Variants in ABCA13 observed in about 807,000 individuals in gnomAD.
ABCA13 encodes the protein ATP-binding cassette sub-family A member 13.
Under a neutral mutation model 478.7 loss-of-function variants are expected in ABCA13, and 476 were observed. The observed-to-expected ratio is 0.99, with a 90% CI of 0.92 to 1.07. The LOEUF is 1.07. ABCA13 is among the 50% of genes least tolerant of loss of function. ABCA13 has a pLI of 0.00. For missense variants in ABCA13, 6,060 were observed against 5,910.6 expected (o/e 1.03, Z -0.83); for synonymous variants, 2,252 against 2,158.9 (o/e 1.04, Z -1.20).
In ABCA13 at chr7:48,278,944, T is replaced by C. The variant is rs766064344; in HGVS notation, c.7750T>C (p.Phe2584Leu). 8.1e-6 allele frequency: 13 copies of C among 1,613,370 alleles called. No homozygotes were observed. The East Asian group carries it at 2.7e-4, about 33-fold the overall frequency. Residue 2584 changes from phenylalanine to leucine, a missense_variant, in exon 18 of 62, where the codon TTT becomes CTT. Physicochemically the swap from Phe to Leu is conservative, Grantham distance 22 (BLOSUM62 0). Coordinates refer to ENST00000435803, the MANE Select transcript of ABCA13 (RefSeq NM_152701.5). ...TTTAAAAAAAATAGATCATTTCACA[T>C]TTGAAAAGATAAATGATTTGTTGGT... ...ATLKKIDHFT[F>L]EKINDLLVPF... is the part of the protein sequence containing the mutation.
At chr7:48,606,891 G>A (rs539430603) in intron 58 of ABCA13, among the ~76,000 whole-genome samples, 57 of 152,344 alleles carry the variant, frequency 3.7e-4, no homozygotes, top group African/African-American at 1.3e-3. Context: ...GGCTGCTGCC[G>A]TTTTTCCAGA....
At chr7:48,468,883 C>T (rs1827170234) in intron 44 of ABCA13, among the ~76,000 whole-genome samples, 1 of 152,188 alleles carries the variant, frequency 6.6e-6, no homozygotes. Context: ...CCACTGTTGT[C>T]TAAATCCGAT....
At chr7:48,359,000 A>C (rs566841457) in intron 31 of ABCA13, among the ~76,000 whole-genome samples, 117 of 151,938 alleles carry the variant, frequency 7.7e-4, no homozygotes, top group Middle Eastern at 3.4e-3. Flanking sequence ...GGATGAAAAA[A>C]CTGCATTTGG....
In ABCA13 at chr7:48,483,894, T is replaced by C. The variant is rs983443436; in HGVS notation, c.13182+731T>C. Among the ~76,000 whole-genome samples, 8 of 152,180 alleles carry C rather than the reference T, an allele frequency of 5.3e-5. No homozygotes were observed. The East Asian group carries it at 5.8e-4, about 11-fold the overall frequency. ...AGAGAAATCAGAAAAGGGTAGATTG[T>C]GGGAGGAAGTTAAGTCCACTGCGGG... On this transcript the variant is annotated intron_variant, in intron 47 of 61. Transcript: ENST00000435803.
At chr7:48,360,626 G>T (rs1394946574) in intron 31 of ABCA13, among the ~76,000 whole-genome samples, 1 of 151,926 alleles carries the variant, frequency 6.6e-6, no homozygotes, top group African/African-American at 2.4e-5. Flanking sequence ...GTTCCAAATA[G>T]ACACTTATTT....
chr7:48,338,239 T>G (rs1236827951), intron 28 of ABCA13, 126 bp from the exon 29 acceptor site: 1 of 598,518 alleles, frequency 1.7e-6, no homozygotes. Flanking sequence ...TTAAAACTTC[T>G]TTTAAGTGGA....
intron 2 of ABCA13, among the ~76,000 whole-genome samples, 186 bp downstream of exon 2, chr7:48,193,238 A>T (rs1014934355): frequency 2.0e-5 from 3 of 152,242 alleles, no homozygotes; most frequent in Admixed American, 1.3e-4. Flanking sequence ...GTCTTTTAAG[A>T]ATGATATTCA....
At position 48,299,555 on chromosome 7, in the gene ABCA13, TGAA is replaced by T. The variant is rs567297655; in HGVS notation, c.9321+1071_9321+1073del. On this transcript the variant is annotated intron_variant, in intron 23 of 61. Transcript: ENST00000435803. ...CGCATGATGCCTTATAGAGAAACAA[TGAA>T]GATTTTTGGTTTAAAATCTTTAGTT... 5.2e-4 allele frequency among the ~76,000 whole-genome samples: 79 copies of T among 152,290 alleles called. 2 individuals carry two copies. In the South Asian group the frequency reaches 0.016, roughly 31 times the overall value.
chr7:48,229,694 G>A (rs2128988932), intron 6 of ABCA13, 131 bp from the exon 7 acceptor site: 2 of 1,038,722 alleles, frequency 1.9e-6, no homozygotes, highest in Non-Finnish European at 2.8e-6. Context: ...ATGCTGACAT[G>A]TAAATGGTCC....
At chr7:48,351,504 G>A (rs1049847026) in intron 30 of ABCA13, among the ~76,000 whole-genome samples, 1 of 152,078 alleles carries the variant, frequency 6.6e-6, no homozygotes, top group Non-Finnish European at 1.5e-5. Context: ...CCTCTCATTG[G>A]CTTGTAGGTG....
chr7:48,447,030 C>T (rs1447350200), intron 42 of ABCA13, among the ~76,000 whole-genome samples: 1 of 152,188 alleles, frequency 6.6e-6, no homozygotes, highest in Non-Finnish European at 1.5e-5. Flanking sequence ...ATTCTTGCAG[C>T]CATGCAGATC....
At chr7:48,302,067 G>A (rs1372714571) in intron 23 of ABCA13, among the ~76,000 whole-genome samples, 1 of 152,186 alleles carries the variant, frequency 6.6e-6, no homozygotes, top group Non-Finnish European at 1.5e-5. Context: ...TTTCACAGAT[G>A]AATGTGATGC....
At chr7:48,566,085 T>C (rs959691948) in intron 55 of ABCA13, among the ~76,000 whole-genome samples, 1 of 152,194 alleles carries the variant, frequency 6.6e-6, no homozygotes, top group Non-Finnish European at 1.5e-5. Context: ...AGCTGTTCTT[T>C]CTTGACTCTC....
rs1415869480 is a variant in ABCA13 at position 48,617,318 on chromosome 7, A to G, written c.14837+1941A>G. Among the ~76,000 whole-genome samples the G allele has an allele frequency of 3.3e-5, 5 of 152,166 alleles. No homozygotes were observed. The East Asian group carries it at 9.7e-4, about 29-fold the overall frequency. ...CCTCTCCATCCCTTTCTTTCCATGA[A>G]CATGAATTGTTAGGAACGTGAATAA... On this transcript the variant is annotated intron_variant, in intron 59 of 61. Transcript: ENST00000435803.
At chr7:48,561,064 A>C (rs1245957421) in intron 55 of ABCA13, among the ~76,000 whole-genome samples, 1 of 152,094 alleles carries the variant, frequency 6.6e-6, no homozygotes, top group Non-Finnish European at 1.5e-5. Flanking sequence ...ATAGTATTCC[A>C]TTGTATGTAT....
In ABCA13 at chr7:48,555,269, A is replaced by C. The variant is rs188960914; in HGVS notation, c.14355-24955A>C. ...GTTGAGGATTTTTGCATCAACATTC[A>C]TCAGAGATATTGGCACATAGTTTTC... On this transcript the variant is annotated intron_variant, in intron 55 of 61. Coordinates refer to ENST00000435803, the MANE Select transcript of ABCA13 (RefSeq NM_152701.5). 1.9e-3 allele frequency among the ~76,000 whole-genome samples: 284 copies of C among 152,048 alleles called. 1 individual carries two copies. The highest frequency in any genetic ancestry group is 6.5e-3 in the African/African-American group (272 of 41,542).
chr7:48,521,892 A>T (rs372485258), intron 53 of ABCA13, among the ~76,000 whole-genome samples: 8 of 152,288 alleles, frequency 5.3e-5, no homozygotes, highest in African/African-American at 1.9e-4. Context: ...TAATGACTGC[A>T]TGACCCAGTC....
At chr7:48,484,261 A>G (rs1829069649) in intron 47 of ABCA13, among the ~76,000 whole-genome samples, 1 of 152,196 alleles carries the variant, frequency 6.6e-6, no homozygotes, top group Non-Finnish European at 1.5e-5. Flanking sequence ...GTAATCTGGG[A>G]AAAATTTCCA....
chr7:48,580,464 TGAG>T (rs2131364394), intron 56 of ABCA13, 90 bp downstream of exon 56: 1 of 1,309,150 alleles, frequency 7.6e-7, no homozygotes, highest in African/African-American at 1.5e-5. Context: ...TCTCACCCTA[TGAG>T]GAGAAGGAAC....
Sources: allele counts gnomAD v4.1 joint callset (sites outside exome capture counted in the v4.1 genomes callset), GRCh38; gene constraint gnomAD v4.1.1; transcripts MANE v1.5; gene names NCBI Gene and HGNC (gene_info 2026-07-23, HGNC 2026-07-21).